The following NCOA2 variants were observed in gnomAD, a reference collection of about 807,000 sequenced individuals.
The protein encoded by NCOA2 is nuclear receptor coactivator 2, also known as class E basic helix-loop-helix protein 75.
In NCOA2, 21 loss-of-function variants were observed where a neutral mutation model predicts 145.1. That is an observed-to-expected ratio of 0.14 (90% CI 0.10 to 0.21). The LOEUF (loss-of-function observed/expected upper bound fraction) is 0.21. Ranked by LOEUF, NCOA2 falls within the 10% of genes least tolerant of loss-of-function variation. NCOA2 has a pLI of 1.00. For missense variants in NCOA2, 1,472 were observed against 1,837.6 expected (o/e 0.80, Z 3.64); for synonymous variants, 619 against 637.5 (o/e 0.97, Z 0.44).
chr8:70,391,727 G>A (rs1451833909), intron 1 of NCOA2, among the ~76,000 whole-genome samples: 1 of 152,162 alleles, frequency 6.6e-6, no homozygotes, highest in Non-Finnish European at 1.5e-5. Flanking sequence ...CACGGGAACT[G>A]GTCCACCTTA....
intron 1 of NCOA2, among the ~76,000 whole-genome samples, chr8:70,403,093 C>T (rs1007547656): frequency 3.3e-5 from 5 of 150,154 alleles, no homozygotes; most frequent in Non-Finnish European, 5.9e-5. Flanking sequence ...TTCACCTTCA[C>T]ACACCCCCAG....
the NCOA2 span, among the ~76,000 whole-genome samples, chr8:70,419,091 G>T: frequency 1.4e-5 from 2 of 148,072 alleles, no homozygotes; most frequent in Non-Finnish European, 3.0e-5. Context: ...GTGGAATTTT[G>T]TAGGATTTTA....
Position 70,135,461 on chromosome 8 carries a change from G to T in NCOA2, c.3158+2742C>A, listed in dbSNP as rs74788131. 1.6e-3 allele frequency among the ~76,000 whole-genome samples: 250 copies of T among 152,214 alleles called. 2 individuals are homozygous for T. The highest frequency in any genetic ancestry group is 4.5e-3 in the African/African-American group (188 of 41,524). On this transcript the variant is annotated intron_variant, in intron 15 of 22. Coordinates refer to ENST00000452400, the MANE Select transcript of NCOA2 (RefSeq NM_006540.4). ...GATGAAAACAAAAGGTTCCTGATTT[G>T]GCTGAGCTACAATACATTAAAAACC...
chr8:70,135,770 A>C (rs1809656138), intron 15 of NCOA2, among the ~76,000 whole-genome samples: 1 of 152,204 alleles, frequency 6.6e-6, no homozygotes, highest in South Asian at 2.1e-4. Flanking sequence ...AAACACACAC[A>C]GGCCCCAGGC....
At chr8:70,423,229 G>C in the NCOA2 span, among the ~76,000 whole-genome samples, 6 of 152,012 alleles carry the variant, frequency 3.9e-5, no homozygotes, top group Admixed American at 6.5e-5. Flanking sequence ...TGTTGCTCAG[G>C]CTGTAGTGCA....
chr8:70,179,098 T>C lies in NCOA2; in HGVS notation c.260-4239A>G, dbSNP rs554287144. ...ATATTAAGAGAATGAGAAATTTTTA[T>C]TCCTCATTAATAAAAGAAAAAAGGG... On this transcript the variant is annotated intron_variant, in intron 4 of 22. Coordinates refer to ENST00000452400, the MANE Select transcript of NCOA2 (RefSeq NM_006540.4). Among the ~76,000 whole-genome samples the C allele has an allele frequency of 1.4e-4, 21 of 152,336 alleles. No individual in the cohort carries two copies. The South Asian group carries it at 4.1e-3, about 30-fold the overall frequency.
chr8:70,378,744 A>T (rs1014738451), intron 1 of NCOA2, among the ~76,000 whole-genome samples: 12 of 47,250 alleles, frequency 2.5e-4, no homozygotes, highest in Non-Finnish European at 3.0e-4. Context: ...AGGCTATGCT[A>T]AAAAAAAAAA....
At chr8:70,429,244 T>C in the NCOA2 span, among the ~76,000 whole-genome samples, 4 of 152,200 alleles carry the variant, frequency 2.6e-5, no homozygotes, top group African/African-American at 9.7e-5. Flanking sequence ...TGCTGGGGCA[T>C]GAGGGTGAGC....
chr8:70,452,030 A>G, the NCOA2 span, among the ~76,000 whole-genome samples: 1 of 152,200 alleles, frequency 6.6e-6, no homozygotes, highest in Non-Finnish European at 1.5e-5. Context: ...GCTGGAATGC[A>G]GTGTCACCAT....
At chr8:70,243,517 T>A (rs1287975328) in intron 2 of NCOA2, among the ~76,000 whole-genome samples, 1 of 152,000 alleles carries the variant, frequency 6.6e-6, no homozygotes, top group Non-Finnish European at 1.5e-5. Flanking sequence ...TAATAATAGG[T>A]GCTCAATAAA....
chr8:70,399,291 T>C (rs979979740), intron 1 of NCOA2, among the ~76,000 whole-genome samples: 2 of 152,124 alleles, frequency 1.3e-5, no homozygotes, highest in Non-Finnish European at 2.9e-5. Flanking sequence ...CACAAACACC[T>C]AGAACACAAA....
chr8:70,141,178 C>T lies in NCOA2; in HGVS notation c.3028+6G>A, dbSNP rs749453360. 6.2e-7 allele frequency: 1 copy of T among 1,612,840 alleles called. No individual in the cohort carries two copies. Among genetic ancestry groups the T allele is most frequent in the Non-Finnish European group, 8.5e-7 (1 of 1,179,410 alleles). Reference sequence around the variant, plus strand: ...TTAAAAGCAAACAGCACTAGAGCCACCTTACCTATATTCATGACCTGAGAC... The same window carrying T: ...TTAAAAGCAAACAGCACTAGAGCCATCTTACCTATATTCATGACCTGAGAC... On this transcript the variant is annotated splice_donor_region_variant and intron_variant, in intron 14 of 22. Coordinates refer to ENST00000452400, the MANE Select transcript of NCOA2 (RefSeq NM_006540.4).
chr8:70,282,935 C>T (rs1825988969), intron 2 of NCOA2, among the ~76,000 whole-genome samples: 1 of 152,134 alleles, frequency 6.6e-6, no homozygotes, highest in Non-Finnish European at 1.5e-5. Flanking sequence ...TGCATGTGAG[C>T]ACACATATGA....
chr8:70,374,065 A>G (rs932351304), intron 1 of NCOA2, among the ~76,000 whole-genome samples: 2 of 152,180 alleles, frequency 1.3e-5, no homozygotes, highest in African/African-American at 4.8e-5. Context: ...TGAATGGGGG[A>G]AAAAAGTAGT....
At chr8:70,402,755 G>A (rs944082579) in intron 1 of NCOA2, among the ~76,000 whole-genome samples, 61 of 151,866 alleles carry the variant, frequency 4.0e-4, no homozygotes, top group African/African-American at 1.4e-3. Context: ...GAGCCAACCC[G>A]GAACCTCCCG....
intron 2 of NCOA2, among the ~76,000 whole-genome samples, chr8:70,257,081 G>C (rs1823698033): frequency 6.6e-6 from 1 of 152,186 alleles, no homozygotes; most frequent in South Asian, 2.1e-4. Flanking sequence ...CCACTTTACA[G>C]CTGAAGAAAA....
Position 70,132,088 on chromosome 8 carries a change from A to C in NCOA2, c.3159-86T>G, listed in dbSNP as rs112500047. On this transcript the variant is annotated intron_variant, in intron 15 of 22. Transcript: ENST00000452400. ...TCTTTATCTCAAAGGTGAAAGTATC[A>C]ATTGACTTCCAGGGTTGTTGCAACA... The C allele has an allele frequency of 5.9e-4, 808 of 1,373,508 alleles. 5 individuals carry two copies. The African/African-American group carries it at 0.011, about 18-fold the overall frequency. 85.1% of individuals were successfully genotyped at this position (1,373,508 alleles called of 1,614,324 possible).
At chr8:70,375,048 A>G (rs1811552259) in intron 1 of NCOA2, among the ~76,000 whole-genome samples, 1 of 150,924 alleles carries the variant, frequency 6.6e-6, no homozygotes, top group South Asian at 2.1e-4. Flanking sequence ...CTGGTAAATG[A>G]AAAAAAAAGA....
chr8:70,313,449 T>C (rs565538224), intron 1 of NCOA2, among the ~76,000 whole-genome samples: 3 of 152,264 alleles, frequency 2.0e-5, no homozygotes, highest in Admixed American at 6.5e-5. Context: ...ATTTTAGAAG[T>C]GGTATAACTT....
Sources: allele counts gnomAD v4.1 joint callset (sites outside exome capture counted in the v4.1 genomes callset), GRCh38; gene constraint gnomAD v4.1.1; transcripts MANE v1.5; gene names NCBI Gene and HGNC (gene_info 2026-07-23, HGNC 2026-07-21).